Variants in ARRDC2 observed in about 807,000 individuals in gnomAD.
ARRDC2 encodes arrestin domain containing 2, also known as arrestin domain-containing protein 2.
In ARRDC2, 39 loss-of-function variants were observed where a neutral mutation model predicts 38.9. The observed-to-expected ratio is 1.00, with a 90% CI of 0.78 to 1.31. The LOEUF is 1.31. Among genes scored for constraint, ARRDC2 ranks in the 50% most tolerant of loss-of-function variants. The pLI is 0.00. For missense variants in ARRDC2, 553 were observed against 588.4 expected (o/e 0.94, Z 0.62); for synonymous variants, 300 against 261.9 (o/e 1.15, Z -1.41).
Position 18,009,937 on chromosome 19 carries a change from C to T in ARRDC2, c.747C>T (p.Gly249=). 3 of 1,605,904 alleles carry T rather than the reference C, an allele frequency of 1.9e-6. No individual in the cohort carries two copies. The highest frequency in any genetic ancestry group is 2.2e-5 in the East Asian group (1 of 44,832). Residue 249 remains glycine (G), a synonymous_variant, in exon 5 of 8, where the codon GGC becomes GGT. Coordinates refer to ENST00000222250, the MANE Select transcript of ARRDC2 (RefSeq NM_015683.2). Reference sequence around the variant, plus strand: ...CCAGCCTCGCGGGCGAGCCGGTGGGCCCCGGGCAGCGGGCGCTGTGGCAGG... The same window carrying T: ...CCAGCCTCGCGGGCGAGCCGGTGGGTCCCGGGCAGCGGGCGCTGTGGCAGG... ...VVASLAGEPV[G]PGQRALWQGR...
At chr19:18,012,171 C>G (rs1310198521) in intron 7 of ARRDC2, among the ~76,000 whole-genome samples, 1 of 150,284 alleles carries the variant, frequency 6.7e-6, no homozygotes, top group East Asian at 2.0e-4. Flanking sequence ...GTTGGCCAGG[C>G]TGGTCTAGAA....
At chr19:18,010,499 A>G in intron 6 of ARRDC2, 73 bp from the exon 7 acceptor site, 1 of 1,573,774 alleles carries the variant, frequency 6.4e-7, no homozygotes. Flanking sequence ...GGCACAAGCC[A>G]GCTCCTGGCC....
chr19:18,008,694 T>G lies in ARRDC2; in HGVS notation c.275-17T>G. On this transcript the variant is annotated splice_polypyrimidine_tract_variant and intron_variant, in intron 1 of 7. Transcript: ENST00000222250. ...CAGCGCAACCGCTCAGTCGCCTCCTTTTTCTCCTACCTGCAGATACCGGGG... is the reference window on the plus strand; with the variant it reads ...CAGCGCAACCGCTCAGTCGCCTCCTGTTTCTCCTACCTGCAGATACCGGGG... 1 of 1,612,450 alleles carries G rather than the reference T, an allele frequency of 6.2e-7. No homozygotes were observed. Among genetic ancestry groups the G allele is most frequent in the Non-Finnish European group, 8.5e-7 (1 of 1,179,928 alleles).
intron 1 of ARRDC2, among the ~76,000 whole-genome samples, chr19:18,001,740 C>G (rs2033191513): frequency 6.6e-6 from 1 of 152,174 alleles, no homozygotes; most frequent in African/African-American, 2.4e-5. Context: ...GTCAGGAGTT[C>G]AAGACTAGCC....
chr19:18,001,965 A>C (rs1360732200), intron 1 of ARRDC2, among the ~76,000 whole-genome samples: 1 of 152,152 alleles, frequency 6.6e-6, no homozygotes, highest in Non-Finnish European at 1.5e-5. Context: ...ACGTCTACCC[A>C]GGGTCTGGGT....
chr19:18,004,439 G>T (rs1204591115), upstream of ARRDC2, among the ~76,000 whole-genome samples: 1 of 148,868 alleles, frequency 6.7e-6, no homozygotes, highest in Non-Finnish European at 1.5e-5. Flanking sequence ...TAGAGACGGG[G>T]TGTCTCCATG....
At chr19:18,002,931 T>C (rs2033206573) in intron 1 of ARRDC2, among the ~76,000 whole-genome samples, 1 of 151,836 alleles carries the variant, frequency 6.6e-6, no homozygotes, top group Admixed American at 6.6e-5. Flanking sequence ...GGTGAAACTT[T>C]GTCTCCACTA....
intron 7 of ARRDC2, among the ~76,000 whole-genome samples, 173 bp downstream of exon 7, chr19:18,010,902 C>G (rs1342040636): frequency 6.6e-6 from 1 of 152,150 alleles, no homozygotes; most frequent in African/African-American, 2.4e-5. Context: ...GCAGCCTCGA[C>G]CTCCCGGGCT....
Position 18,010,980 on chromosome 19 carries a change from A to G in ARRDC2, c.1170+251A>G, listed in dbSNP as rs1374753035. Among the ~76,000 whole-genome samples the G allele has an allele frequency of 2.0e-5, 3 of 151,456 alleles. No homozygotes were observed. The East Asian group carries it at 5.8e-4, about 29-fold the overall frequency. ...CAGGCACACGCCACCACATCCTGCT[A>G]ATTTTTGTGTTTTGTTTTGTTTTGC... On this transcript the variant is annotated intron_variant, in intron 7 of 7. Transcript: ENST00000222250.
At chr19:18,008,833 ACC>A (rs2033340892) in intron 2 of ARRDC2, 56 bp downstream of exon 2, 1 of 1,601,064 alleles carries the variant, frequency 6.2e-7, no homozygotes, top group Non-Finnish European at 8.5e-7. Flanking sequence ...CCAGATTGGT[ACC>A]TCCAATACTG....
upstream of ARRDC2, among the ~76,000 whole-genome samples, chr19:18,004,932 C>T (rs932909235): frequency 6.6e-6 from 1 of 151,544 alleles, no homozygotes; most frequent in Admixed American, 6.6e-5. Flanking sequence ...TTGCAGTGAA[C>T]CTAGATCGCG....
rs565622175 is a variant in ARRDC2, at chr19:18,001,151, C to A, written c.-164C>A. 1,115 of 748,670 alleles carry A rather than the reference C, an allele frequency of 1.5e-3. 12 individuals carry two copies. In the African/African-American group the frequency reaches 0.019, roughly 13 times the overall value. 46.4% of individuals were successfully genotyped at this position (748,670 alleles called of 1,614,324 possible). ...AGAGGACCAGGAAGTTCGCCGACGA[C>A]GCGCCCGCCCTGGGCCACCGGCGCC... On this transcript the variant is annotated 5_prime_UTR_variant, in exon 1 of 8. Coordinates refer to the ARRDC2 transcript ENST00000379656.
upstream of ARRDC2, chr19:18,008,115 G>GGGCCCCCCCC: frequency 1.2e-6 from 1 of 810,032 alleles, no homozygotes; most frequent in Non-Finnish European, 1.7e-6. Flanking sequence ...AAGAGACGGT[G>GGGCCCCCCCC]ACCCCACCCC....
upstream of ARRDC2, among the ~76,000 whole-genome samples, chr19:18,004,573 C>T (rs575691063): frequency 4.8e-5 from 7 of 145,240 alleles, no homozygotes; most frequent in South Asian, 1.5e-3. Flanking sequence ...TAAATTCTCC[C>T]AGCTACTCAG....
rs1160525354 is a variant in ARRDC2 at position 18,009,953 on chromosome 19, C to T, written c.763C>T (p.Leu255=). ...GCCGGTGGGCCCCGGGCAGCGGGCG[C>T]TGTGGCAGGGCCGGGCACTGCGGAT... ...GEPVGPGQRA[L]WQGRALRIPP... Residue 255 remains leucine (L), a synonymous_variant, in exon 5 of 8, where the codon CTG becomes TTG. Coordinates refer to ENST00000222250, the MANE Select transcript of ARRDC2 (RefSeq NM_015683.2). 5.0e-6 allele frequency: 8 copies of T among 1,604,778 alleles called. No individual in the cohort carries two copies. Among genetic ancestry groups the T allele is most frequent in the Non-Finnish European group, 6.8e-6 (8 of 1,179,294 alleles).
Position 18,013,586 on chromosome 19 carries a change from A to G in ARRDC2, c.*620A>G, listed in dbSNP as rs2146012233. 6.6e-6 allele frequency: 1 copy of G among 152,418 alleles called. No individual in the cohort carries two copies. The highest frequency in any genetic ancestry group is 2.4e-5 in the African/African-American group (1 of 41,590). 9.4% of individuals were successfully genotyped at this position (152,418 alleles called of 1,614,324 possible). On this transcript the variant is annotated 3_prime_UTR_variant, in exon 8 of 8. Transcript: ENST00000222250. ...GAAAGGACCCAGGAACGAGGCGTTC[A>G]GGAAAGCAGGTTGTCAGAGCTATGT...
upstream of ARRDC2, among the ~76,000 whole-genome samples, chr19:18,005,990 G>T (rs1197655441): frequency 6.6e-6 from 1 of 151,624 alleles, no homozygotes; most frequent in Non-Finnish European, 1.5e-5. Context: ...TCCCAGACGG[G>T]GCGGCGGGGC....
chr19:18,003,613 A>T (rs1323067416), upstream of ARRDC2, among the ~76,000 whole-genome samples: 1 of 150,736 alleles, frequency 6.6e-6, no homozygotes, highest in Admixed American at 6.6e-5. Context: ...GGTGCCCGCC[A>T]ACACGCTGGC....
Position 18,009,622 on chromosome 19 carries a change from G to A in ARRDC2, c.520G>A (p.Ala174Thr), listed in dbSNP as rs753565557. The change falls in exon 4 of 8, where the codon GCC becomes ACC. Residue 174 changes from alanine to threonine, a missense_variant. Coordinates refer to ENST00000222250, the MANE Select transcript of ARRDC2 (RefSeq NM_015683.2). ...APQAGAREKV[A>T]RSWYCNRGLV... Reference sequence around the variant, plus strand: ...TCAAGCGGGGGCTCGGGAAAAGGTTGCCCGATCCTGGTACTGTAACCGTGG... The same window carrying A: ...TCAAGCGGGGGCTCGGGAAAAGGTTACCCGATCCTGGTACTGTAACCGTGG... 5.0e-6 allele frequency: 8 copies of A among 1,607,522 alleles called. No homozygotes were observed. Among genetic ancestry groups the A allele is most frequent in the Non-Finnish European group, 5.1e-6 (6 of 1,174,958 alleles).
Sources: gnomAD v4.1 joint callset for allele counts (sites outside exome capture counted in the v4.1 genomes callset) on GRCh38, gnomAD v4.1.1 for gene constraint, MANE v1.5 for transcripts, NCBI Gene and HGNC (gene_info 2026-07-23, HGNC 2026-07-21) for gene names.